The following CCDC15 variants were observed in gnomAD, a reference collection of about 807,000 sequenced individuals.
CCDC15 encodes coiled-coil domain-containing protein 15.
A neutral mutation model predicts 114.5 loss-of-function variants in CCDC15; 105 were observed. That is an observed-to-expected ratio of 0.92 (90% CI 0.78 to 1.08). CCDC15 has a LOEUF of 1.08. Ranked by LOEUF, CCDC15 falls within the 50% of genes least tolerant of loss-of-function variation. CCDC15 has a pLI of 0.00. For synonymous variants in CCDC15, 334 were observed against 377.8 expected (o/e 0.88, Z 1.34); for missense variants, 1,105 against 1,093.6 (o/e 1.01, Z -0.15).
intron 4 of CCDC15, among the ~76,000 whole-genome samples, chr11:124,960,963 C>T (rs1947648747): frequency 6.6e-6 from 1 of 152,166 alleles, no homozygotes; most frequent in Non-Finnish European, 1.5e-5. Context: ...TTTAATTGTG[C>T]TATTAGTATA....
rs10790721 is a variant in CCDC15 at position 125,040,909 on chromosome 11, G to T, written c.*198G>T. The T allele has an allele frequency of 0.36, 211,614 of 582,610 alleles. 41,458 individuals are homozygous for T. Among genetic ancestry groups the T allele is most frequent in the African/African-American group, 0.6 (32,252 of 53,526 alleles). 36.1% of individuals were successfully genotyped at this position (582,610 alleles called of 1,614,324 possible). On this transcript the variant is annotated 3_prime_UTR_variant, in exon 16 of 16. Coordinates refer to ENST00000344762, the MANE Select transcript of CCDC15 (RefSeq NM_025004.3). The stretch of plus-strand genomic sequence containing the variant: ...GAAAGCTGACTTACTTCTCTCTTCT[G>T]TCTTGTGAACCATACGGAGCCTATT...
At chr11:125,037,785 T>G (rs2135545034) in intron 13 of CCDC15, among the ~76,000 whole-genome samples, 1 of 152,342 alleles carries the variant, frequency 6.6e-6, no homozygotes, top group East Asian at 1.9e-4. Context: ...TTAAAACTTT[T>G]TAAATTTTTT....
At chr11:124,991,695 C>T (rs1948271837) in intron 9 of CCDC15, 112 bp downstream of exon 9, 1 of 983,276 alleles carries the variant, frequency 1.0e-6, no homozygotes, top group Non-Finnish European at 1.4e-6. Context: ...AATATAGTGG[C>T]TTTTTTCTGA....
intron 5 of CCDC15, among the ~76,000 whole-genome samples, chr11:124,977,174 T>A (rs1947987685): frequency 6.6e-6 from 1 of 152,186 alleles, no homozygotes; most frequent in Non-Finnish European, 1.5e-5. Context: ...AACACATACT[T>A]GCTTGTACTC....
At chr11:124,964,276 A>G (rs958522367) in intron 4 of CCDC15, among the ~76,000 whole-genome samples, 4 of 152,324 alleles carry the variant, frequency 2.6e-5, no homozygotes, top group African/African-American at 7.2e-5. Context: ...GTCCATGAGC[A>G]TGGAATGTTC....
At chr11:124,967,227 C>T (rs1947799876) in intron 4 of CCDC15, among the ~76,000 whole-genome samples, 1 of 152,204 alleles carries the variant, frequency 6.6e-6, no homozygotes, top group Non-Finnish European at 1.5e-5. Flanking sequence ...ATCTTGACGA[C>T]TGTTTTCCAA....
chr11:124,964,141 A>T (rs1354310862), intron 4 of CCDC15, among the ~76,000 whole-genome samples: 1 of 152,164 alleles, frequency 6.6e-6, no homozygotes, highest in African/African-American at 2.4e-5. Context: ...TTTTGGTTCC[A>T]TATGAACTTT....
intron 13 of CCDC15, among the ~76,000 whole-genome samples, chr11:125,010,956 A>T (rs10893313): frequency 0.11 from 16,211 of 151,892 alleles, 1,309 homozygotes; most frequent in East Asian, 0.39. Context: ...ATCCATCTTG[A>T]GTTAATGTTT....
chr11:125,005,078 A>T (rs1266609207), intron 12 of CCDC15, 31 bp from the exon 13 acceptor site: 1 of 986,392 alleles, frequency 1.0e-6, no homozygotes, highest in Non-Finnish European at 1.5e-6. Flanking sequence ...CTGAAAGCAG[A>T]ATCTTAGTAA....
intron 13 of CCDC15, among the ~76,000 whole-genome samples, chr11:125,010,796 T>A (rs561094459): frequency 6.6e-6 from 1 of 152,326 alleles, no homozygotes; most frequent in South Asian, 2.1e-4. Flanking sequence ...AGCTCTTTAG[T>A]TTGAGTCCCA....
chr11:124,992,718 A>G, intron 10 of CCDC15, 31 bp downstream of exon 10: 4 of 1,193,418 alleles, frequency 3.4e-6, no homozygotes, highest in Non-Finnish European at 4.8e-6. Context: ...AGGACTGTAT[A>G]CCTTCTAAAA....
chr11:125,004,893 A>G (rs1423341901), intron 12 of CCDC15, among the ~76,000 whole-genome samples: 1 of 152,138 alleles, frequency 6.6e-6, no homozygotes, highest in Non-Finnish European at 1.5e-5. Context: ...GCCTATTAAC[A>G]TATAATAGCC....
rs199553948 is a variant in CCDC15 at position 124,955,871 on chromosome 11, CTCTA to C, written c.177+967_177+970del. 5.3e-5 allele frequency among the ~76,000 whole-genome samples: 8 copies of C among 152,286 alleles called. No homozygotes were observed. The East Asian group carries it at 1.5e-3, about 29-fold the overall frequency. ...AGGATTTTAAGAGTCTAGGTGGTAT[CTCTA>C]TCTAAGTTCTAAGAATATAATGCTC... On this transcript the variant is annotated intron_variant, in intron 2 of 15. Coordinates refer to ENST00000344762, the MANE Select transcript of CCDC15 (RefSeq NM_025004.3).
chr11:124,958,256 A>G (rs1232320118), intron 2 of CCDC15, among the ~76,000 whole-genome samples: 1 of 152,212 alleles, frequency 6.6e-6, no homozygotes, highest in Non-Finnish European at 1.5e-5. Flanking sequence ...ATTGTTCAGA[A>G]CAAGCTTGTC....
At chr11:124,997,066 T>C (rs908889183) in intron 11 of CCDC15, among the ~76,000 whole-genome samples, 2 of 152,252 alleles carry the variant, frequency 1.3e-5, no homozygotes, top group African/African-American at 4.8e-5. Context: ...ATGTATTCTT[T>C]GCGTTGCTGT....
chr11:124,977,019 C>T (rs890939401), intron 5 of CCDC15, among the ~76,000 whole-genome samples: 2 of 152,004 alleles, frequency 1.3e-5, no homozygotes, highest in African/African-American at 4.8e-5. Context: ...AATTTTCTAC[C>T]TTCTTAGTTG....
intron 13 of CCDC15, among the ~76,000 whole-genome samples, chr11:125,006,158 C>G (rs1464764660): frequency 6.6e-6 from 1 of 152,156 alleles, no homozygotes; most frequent in Non-Finnish European, 1.5e-5. Flanking sequence ...TCCAAAGTGG[C>G]TATACCATTT....
At chr11:125,020,966 G>A (rs549891135) in intron 13 of CCDC15, among the ~76,000 whole-genome samples, 12 of 151,702 alleles carry the variant, frequency 7.9e-5, no homozygotes, top group Non-Finnish European at 1.2e-4. Context: ...AAGTGGAGAT[G>A]TCAAATTGGC....
intron 11 of CCDC15, among the ~76,000 whole-genome samples, chr11:125,001,386 C>T (rs1948479100): frequency 6.6e-6 from 1 of 152,156 alleles, no homozygotes; most frequent in South Asian, 2.1e-4. Context: ...GTGGAATATG[C>T]AAATAATGAA....
Sources: gnomAD v4.1 joint callset for allele counts (sites outside exome capture counted in the v4.1 genomes callset) on GRCh38, gnomAD v4.1.1 for gene constraint, MANE v1.5 for transcripts, NCBI Gene and HGNC (gene_info 2026-07-23, HGNC 2026-07-21) for gene names.